Variants in SRGAP2C observed in about 807,000 individuals in gnomAD.
SRGAP2C encodes SLIT-ROBO Rho GTPase activating protein 2C.
A neutral mutation model predicts 25.1 loss-of-function variants in SRGAP2C; 15 were observed. That is an observed-to-expected ratio of 0.60 (90% confidence interval 0.40 to 0.92). The LOEUF (loss-of-function observed/expected upper bound fraction) is 0.92. Ranked by LOEUF, SRGAP2C falls within the 40% of genes least tolerant of loss-of-function variation. The pLI is 0.00. For synonymous variants in SRGAP2C, 44 were observed against 96.6 expected (o/e 0.46, Z 3.19); for missense variants, 144 against 264.4 (o/e 0.54, Z 3.16).
intron 3 of SRGAP2C, among the ~76,000 whole-genome samples, chr1:121,321,682 C>T (rs1265248715): frequency 6.6e-6 from 1 of 150,522 alleles, no homozygotes; most frequent in Non-Finnish European, 1.5e-5. Context: ...GCTGGGATTG[C>T]AGGCGTGAGC....
chr1:121,265,093 A>G (rs1354575871), intron 2 of SRGAP2C, among the ~76,000 whole-genome samples: 2 of 90,906 alleles, frequency 2.2e-5, no homozygotes, highest in Non-Finnish European at 4.3e-5. Flanking sequence ...GCTACTCGGG[A>G]GGCTGAGGCT....
At chr1:121,193,657 G>GTTCTTTT (rs1570694572) in intron 2 of SRGAP2C, among the ~76,000 whole-genome samples, 2 of 25,194 alleles carry the variant, frequency 7.9e-5, no homozygotes, top group African/African-American at 4.8e-4. Context: ...ACATAGGGGT[G>GTTCTTTT]TTCTTTTTTC....
chr1:121,355,131 G>A (rs1399900668), intron 4 of SRGAP2C, among the ~76,000 whole-genome samples: 6 of 131,362 alleles, frequency 4.6e-5, no homozygotes, highest in African/African-American at 1.7e-4. Context: ...TAAATCAAAT[G>A]GGACAGAATT....
intron 2 of SRGAP2C, among the ~76,000 whole-genome samples, chr1:121,222,707 G>A (rs1158602442): frequency 1.3e-5 from 2 of 152,196 alleles, no homozygotes; most frequent in East Asian, 3.8e-4. Flanking sequence ...CTTAACTGTG[G>A]GTGTTCATAG....
At chr1:121,345,801 C>A in intron 4 of SRGAP2C, among the ~76,000 whole-genome samples, 1 of 150,360 alleles carries the variant, frequency 6.7e-6, no homozygotes. Flanking sequence ...ATAGTATGTG[C>A]CAACATGCCT....
chr1:121,284,907 G>A lies in SRGAP2C; in HGVS notation c.172G>A (p.Glu58Lys). The change falls in exon 3 of 10, where the codon GAG becomes AAG. Residue 58 changes from glutamate (E) to lysine (K), a missense_variant. This residue lies in a region of SRGAP2C where 17 missense variants were observed against 40.3 expected (regional missense o/e 0.42). Transcript: ENST00000367123. ...CCAGGACTTCTTCCGAAAGAAGGCAGAGATTGAGATGGACTACTCCCGCAA... is the reference window on the plus strand; with the variant it reads ...CCAGGACTTCTTCCGAAAGAAGGCAAAGATTGAGATGGACTACTCCCGCAA... ...DLQDFFRKKA[E>K]IEMDYSRNLE... The A allele has an allele frequency of 6.5e-7, 1 of 1,537,836 alleles. No individual in the cohort carries two copies.
At chr1:121,248,530 T>C (rs1656274681) in intron 2 of SRGAP2C, among the ~76,000 whole-genome samples, 1 of 146,250 alleles carries the variant, frequency 6.8e-6, no homozygotes, top group Non-Finnish European at 1.5e-5. Context: ...CACTGCAAGC[T>C]CCGCCTCCCG....
intron 4 of SRGAP2C, among the ~76,000 whole-genome samples, chr1:121,343,806 C>T (rs1553343176): frequency 6.7e-6 from 1 of 149,536 alleles, no homozygotes; most frequent in African/African-American, 2.5e-5. Context: ...TAAATGCTTT[C>T]CCCAAGCACC....
intron 3 of SRGAP2C, among the ~76,000 whole-genome samples, chr1:121,314,255 G>A (rs1389291194): frequency 2.8e-5 from 4 of 141,032 alleles, no homozygotes; most frequent in South Asian, 2.4e-4. Flanking sequence ...CGTAGTTCTC[G>A]AGCCTTGGTT....
chr1:121,284,198 C>T (rs1301908877), intron 2 of SRGAP2C, among the ~76,000 whole-genome samples: 3 of 151,498 alleles, frequency 2.0e-5, no homozygotes, highest in Admixed American at 1.3e-4. Context: ...TTGATTGCTA[C>T]CATTTGACCT....
chr1:121,265,137 C>T (rs1411918150), intron 2 of SRGAP2C, among the ~76,000 whole-genome samples: 10 of 127,610 alleles, frequency 7.8e-5, no homozygotes, highest in African/African-American at 2.1e-4. Context: ...AGGCAGAGGC[C>T]GCAGTGAGCC....
At chr1:121,274,046 C>CA (rs1481262833) in intron 2 of SRGAP2C, among the ~76,000 whole-genome samples, 1 of 150,096 alleles carries the variant, frequency 6.7e-6, no homozygotes, top group African/African-American at 2.4e-5. Flanking sequence ...AGCAGGCCCT[C>CA]AATAATGATA....
intron 3 of SRGAP2C, among the ~76,000 whole-genome samples, chr1:121,290,290 C>T (rs1296193672): frequency 6.6e-6 from 1 of 151,352 alleles, no homozygotes. Flanking sequence ...ACAAATCACA[C>T]AATTAGATAT....
intron 4 of SRGAP2C, among the ~76,000 whole-genome samples, chr1:121,332,015 T>C (rs1658443997): frequency 7.7e-6 from 1 of 129,860 alleles, no homozygotes; most frequent in South Asian, 2.8e-4. Flanking sequence ...TATAACATTT[T>C]TATAATGTTA....
chr1:121,267,236 C>G (rs1410146653), intron 2 of SRGAP2C, among the ~76,000 whole-genome samples: 2 of 151,002 alleles, frequency 1.3e-5, no homozygotes. Context: ...CTCTGTCACC[C>G]AGGCTGGAGT....
chr1:121,199,259 CTGAAA>C (rs1189064018), intron 2 of SRGAP2C, among the ~76,000 whole-genome samples: 1 of 128,454 alleles, frequency 7.8e-6, no homozygotes, highest in Non-Finnish European at 1.6e-5. Flanking sequence ...TGGTGTGAAG[CTGAAA>C]TGAAAGAATT....
intron 4 of SRGAP2C, among the ~76,000 whole-genome samples, chr1:121,350,582 T>TA (rs762014021): frequency 1.0e-3 from 150 of 150,618 alleles, no homozygotes; most frequent in Non-Finnish European, 1.7e-3. Flanking sequence ...CTGGAAATAA[T>TA]AAAAAAAAAT....
At chr1:121,231,586 G>C (rs1416946672) in intron 2 of SRGAP2C, among the ~76,000 whole-genome samples, 4 of 151,032 alleles carry the variant, frequency 2.6e-5, no homozygotes, top group Admixed American at 2.0e-4. Flanking sequence ...CACAGATTTA[G>C]CGTTATTAGT....
chr1:121,308,879 C>T (rs1275550573), intron 3 of SRGAP2C, among the ~76,000 whole-genome samples: 4 of 134,866 alleles, frequency 3.0e-5, no homozygotes, highest in African/African-American at 5.7e-5. Flanking sequence ...GCGGAGGTTG[C>T]GGTGAGCCGA....
Sources: gnomAD v4.1 joint callset for allele counts (sites outside exome capture counted in the v4.1 genomes callset) on GRCh38, gnomAD v4.1.1 for gene constraint, gnomAD v4.1.1 regional missense constraint, MANE v1.5 for transcripts, NCBI Gene and HGNC (gene_info 2026-07-23, HGNC 2026-07-21) for gene names.